The following TENM2 variants were observed in gnomAD, a reference collection of about 807,000 sequenced individuals.
TENM2 encodes the protein teneurin-2.
In TENM2, 52 loss-of-function variants were observed where a neutral mutation model predicts 245.2. The ratio of observed to expected loss-of-function variants is 0.21; its 90% CI spans 0.17 to 0.27. The LOEUF (loss-of-function observed/expected upper bound fraction) is 0.27, where lower values mean the gene tolerates loss of function less well. TENM2 is among the 10% of genes least tolerant of loss of function. The probability of loss-of-function intolerance (pLI) is 1.00; values close to 1 mark genes in which losing one functional copy is unlikely to be tolerated. For missense variants in TENM2, 3,046 were observed against 3,666.8 expected, an observed-to-expected ratio of 0.83 and a Z score of 4.37; for synonymous variants, 1,363 against 1,438.9, an observed-to-expected ratio of 0.95 and a Z score of 1.19.
intron 1 of TENM2, among the ~76,000 whole-genome samples, chr5:167,295,802 ACT>A (rs1303873111): frequency 6.6e-6 from 1 of 151,824 alleles, no homozygotes; most frequent in Non-Finnish European, 1.5e-5. Flanking sequence ...CTGCAGCCAA[ACT>A]CTCTCACACC....
intron 2 of TENM2, among the ~76,000 whole-genome samples, chr5:167,538,859 A>G (rs1436803665): frequency 6.6e-6 from 1 of 152,202 alleles, no homozygotes; most frequent in African/African-American, 2.4e-5. Flanking sequence ...AACCATGTCG[A>G]AACGCAGAAG....
chr5:167,126,465 G>T, the TENM2 span, among the ~76,000 whole-genome samples: 1 of 151,890 alleles, frequency 6.6e-6, no homozygotes. Context: ...AATGTCCTTG[G>T]TGTTAAATAA....
At chr5:167,173,229 A>C in the TENM2 span, among the ~76,000 whole-genome samples, 13 of 152,352 alleles carry the variant, frequency 8.5e-5, no homozygotes, top group Non-Finnish European at 1.2e-4. Flanking sequence ...GGCCACTTGC[A>C]GAAAACAATC....
Position 168,098,135 on chromosome 5 carries a change from C to G in TENM2, c.1813+8C>G. The G allele has an allele frequency of 6.3e-7, 1 of 1,596,054 alleles. No individual in the cohort carries two copies. Among genetic ancestry groups the G allele is most frequent in the South Asian group, 1.1e-5 (1 of 90,190 alleles). ...GAGCAGACTGTGCTAAAGGTATGTG[C>G]CGCCACTTCCCTGCTATGGTTGGAA... On this transcript the variant is annotated splice_region_variant and intron_variant, in intron 9 of 28. Coordinates refer to ENST00000518659, the Ensembl canonical transcript of TENM2.
intron 5 of TENM2, among the ~76,000 whole-genome samples, chr5:168,020,620 G>T (rs910205754): frequency 6.6e-6 from 1 of 152,132 alleles, no homozygotes; most frequent in African/African-American, 2.4e-5. Context: ...TCTTCACCTT[G>T]GGGAGTGTCT....
At chr5:167,528,696 A>G (rs1771283835) in intron 2 of TENM2, among the ~76,000 whole-genome samples, 1 of 152,130 alleles carries the variant, frequency 6.6e-6, no homozygotes, top group Non-Finnish European at 1.5e-5. Flanking sequence ...AGCAAAGAAG[A>G]TATGATTATG....
rs145552470 is a variant in TENM2, at chr5:168,204,685, G to A, written c.3824+64G>A. On this transcript the variant is annotated intron_variant, in intron 19 of 28. Coordinates refer to ENST00000518659, the Ensembl canonical transcript of TENM2. ...CCCCCCATAACTCCTGAGTTTGATC[G>A]GGTAACTGGGGCTGCATTTGGGATT... 1.3e-4 allele frequency: 209 copies of A among 1,568,594 alleles called. No homozygotes were observed. The African/African-American group carries it at 1.8e-3, about 14-fold the overall frequency.
chr5:167,986,937 A>C (rs1041647525), intron 4 of TENM2, among the ~76,000 whole-genome samples: 1 of 152,216 alleles, frequency 6.6e-6, no homozygotes, highest in Non-Finnish European at 1.5e-5. Flanking sequence ...GCAGCATGTG[A>C]CTGAAATCCT....
chr5:168,179,837 T>C lies in TENM2; in HGVS notation c.2570-10500T>C, dbSNP rs186816837. ...GTGGTGTCTTAATAAAGGCATGCGTTTAAAGTACCTAACCCAGTGCCAGGC... is the reference window on the plus strand; with the variant it reads ...GTGGTGTCTTAATAAAGGCATGCGTCTAAAGTACCTAACCCAGTGCCAGGC... On this transcript the variant is annotated intron_variant, in intron 13 of 28. Coordinates refer to ENST00000518659, the Ensembl canonical transcript of TENM2. Among the ~76,000 whole-genome samples, 45 of 152,278 alleles carry C rather than the reference T, an allele frequency of 3.0e-4. 1 individual carries two copies. Among genetic ancestry groups the C allele is most frequent in the Non-Finnish European group, 5.0e-4 (34 of 68,014 alleles).
chr5:167,571,434 TAA>T (rs1774258981), intron 2 of TENM2, among the ~76,000 whole-genome samples: 1 of 152,164 alleles, frequency 6.6e-6, no homozygotes, highest in Non-Finnish European at 1.5e-5. Context: ...CACAGAGAAA[TAA>T]GTCACATAAA....
At chr5:167,421,670 C>T (rs1359064051) in intron 2 of TENM2, among the ~76,000 whole-genome samples, 1 of 152,182 alleles carries the variant, frequency 6.6e-6, no homozygotes, top group African/African-American at 2.4e-5. Flanking sequence ...TCACAATAAA[C>T]CTCAGCATCC....
chr5:167,908,046 T>C (rs931123667), intron 3 of TENM2, among the ~76,000 whole-genome samples: 1 of 152,136 alleles, frequency 6.6e-6, no homozygotes, highest in African/African-American at 2.4e-5. Flanking sequence ...GGACATTCAA[T>C]TTGATTATCT....
rs937118347 is a variant in TENM2, at chr5:167,412,190, C to T, written c.502+36717C>T. On this transcript the variant is annotated intron_variant, in intron 2 of 28. Coordinates refer to ENST00000518659, the Ensembl canonical transcript of TENM2. ...AAGCTCTTAGACTTGAACCACATTT[C>T]GTTTTTGGAAACAGACTCAGAAAGA... Among the ~76,000 whole-genome samples the T allele has an allele frequency of 3.3e-5, 5 of 151,982 alleles. No individual in the cohort carries two copies. In the South Asian group the frequency reaches 6.2e-4, roughly 19 times the overall value.
chr5:167,935,176 C>A (rs552673496), intron 3 of TENM2, among the ~76,000 whole-genome samples: 3 of 152,098 alleles, frequency 2.0e-5, no homozygotes, highest in African/African-American at 7.2e-5. Flanking sequence ...AATGGAGTGT[C>A]GTGAATTATC....
chr5:167,410,419 T>G (rs765097141), intron 2 of TENM2, among the ~76,000 whole-genome samples: 1 of 152,048 alleles, frequency 6.6e-6, no homozygotes, highest in African/African-American at 2.4e-5. Context: ...CATTTTGTAG[T>G]ATAGACATAA....
chr5:167,468,116 T>C (rs1766787443), intron 2 of TENM2, among the ~76,000 whole-genome samples: 1 of 152,106 alleles, frequency 6.6e-6, no homozygotes, highest in South Asian at 2.1e-4. Flanking sequence ...TTTGTATTTT[T>C]AGTAGAGACG....
At chr5:168,255,199 G>C (rs1438193674) in intron 27 of TENM2, among the ~76,000 whole-genome samples, 2 of 152,188 alleles carry the variant, frequency 1.3e-5, no homozygotes, top group Admixed American at 1.3e-4. Context: ...AAACACAGAT[G>C]GGGAGAGATA....
intron 2 of TENM2, among the ~76,000 whole-genome samples, chr5:167,767,880 G>T (rs564705028): frequency 6.6e-6 from 1 of 152,318 alleles, no homozygotes; most frequent in East Asian, 1.9e-4. Context: ...ATGTCTTGGT[G>T]CATGACAAGG....
rs538671839 is a variant in TENM2, at chr5:167,754,094, A to G, written c.503-121892A>G. 2.6e-5 allele frequency among the ~76,000 whole-genome samples: 4 copies of G among 152,270 alleles called. No individual in the cohort carries two copies. The South Asian group carries it at 8.3e-4, about 32-fold the overall frequency. ...TTCCCTTAAAAAAAAGAAAATTACA[A>G]AAATATCCAAAAGCCCTACTTTTGG... is the stretch of plus-strand genomic sequence containing the variant. On this transcript the variant is annotated intron_variant, in intron 2 of 28. Transcript: ENST00000518659.
Sources: gnomAD v4.1 joint callset for allele counts (sites outside exome capture counted in the v4.1 genomes callset) on GRCh38, gnomAD v4.1.1 for gene constraint, MANE v1.5 for transcripts, NCBI Gene and HGNC (gene_info 2026-07-23, HGNC 2026-07-21) for gene names.